The following SLC67A2 variants were observed in gnomAD, a reference collection of about 807,000 sequenced individuals.
The protein encoded by SLC67A2 is solute carrier family 67 member A2.
the SLC67A2 span, among the ~76,000 whole-genome samples, chr2:102,722,151 G>A: frequency 6.6e-6 from 1 of 152,250 alleles, no homozygotes; most frequent in Non-Finnish European, 1.5e-5. Context: ...ATGCTATGAA[G>A]AAAATTAAGC....
chr2:102,727,512 T>C, the SLC67A2 span, among the ~76,000 whole-genome samples: 1 of 152,232 alleles, frequency 6.6e-6, no homozygotes, highest in Non-Finnish European at 1.5e-5. Context: ...TTGTTACCAT[T>C]TTAATCACAT....
At chr2:102,736,848 C>T in the SLC67A2 span, 1 of 1,561,276 alleles carries the variant, frequency 6.4e-7, no homozygotes. Flanking sequence ...GCAGCAGCCG[C>T]GGACCTACCC....
the SLC67A2 span, chr2:102,731,067 G>C: frequency 6.2e-7 from 1 of 1,613,344 alleles, no homozygotes; most frequent in Non-Finnish European, 8.5e-7. Flanking sequence ...CATAGGAGGA[G>C]CCTGTAAAAA....
the SLC67A2 span, among the ~76,000 whole-genome samples, chr2:102,722,381 C>T: frequency 6.6e-6 from 1 of 152,228 alleles, no homozygotes; most frequent in Admixed American, 6.5e-5. Flanking sequence ...GGGGCAGGGT[C>T]TGCCCATCAC....
the SLC67A2 span, chr2:102,718,322 C>T: frequency 6.2e-6 from 9 of 1,440,628 alleles, no homozygotes; most frequent in African/African-American, 1.1e-4. Flanking sequence ...AAATATTTCC[C>T]TTCCACCCCA....
At chr2:102,715,369 G>T in the SLC67A2 span, among the ~76,000 whole-genome samples, 1 of 152,062 alleles carries the variant, frequency 6.6e-6, no homozygotes, top group African/African-American at 2.4e-5. Context: ...TCAGAGTCTG[G>T]TTCCTGTGGT....
chr2:102,720,763 T>C, the SLC67A2 span, among the ~76,000 whole-genome samples: 2 of 152,256 alleles, frequency 1.3e-5, no homozygotes, highest in East Asian at 1.9e-4. Flanking sequence ...CCTAACCATA[T>C]GAACAGAAAT....
the SLC67A2 span, among the ~76,000 whole-genome samples, chr2:102,728,257 C>T: frequency 3.9e-3 from 599 of 152,322 alleles, 9 homozygotes; most frequent in African/African-American, 0.014. Context: ...CCCCCAGTTC[C>T]AGTACAATGG....
At chr2:102,723,855 G>A in the SLC67A2 span, 1 of 1,614,154 alleles carries the variant, frequency 6.2e-7, no homozygotes, top group South Asian at 1.1e-5. Flanking sequence ...TTCCTTCTCT[G>A]GAACCACATC....
At chr2:102,722,533 T>A in the SLC67A2 span, among the ~76,000 whole-genome samples, 3 of 152,168 alleles carry the variant, frequency 2.0e-5, no homozygotes, top group Admixed American at 2.0e-4. Context: ...ATAAAATATT[T>A]CCCTTTTAAA....
At chr2:102,735,987 C>T in the SLC67A2 span, among the ~76,000 whole-genome samples, 1,626 of 152,072 alleles carry the variant, frequency 0.011, 35 homozygotes, top group African/African-American at 0.037. Context: ...AGTGAAAATG[C>T]ACCCAATTCT....
At chr2:102,736,107 T>A in the SLC67A2 span, among the ~76,000 whole-genome samples, 2 of 152,174 alleles carry the variant, frequency 1.3e-5, no homozygotes, top group Admixed American at 6.5e-5. Context: ...AATGCGCAGT[T>A]TGTCGAAAGG....
chr2:102,725,752 GTA>G, the SLC67A2 span, among the ~76,000 whole-genome samples: 1 of 152,136 alleles, frequency 6.6e-6, no homozygotes, highest in Non-Finnish European at 1.5e-5. Flanking sequence ...AATGAAAAAA[GTA>G]TATATTCCAC....
the SLC67A2 span, among the ~76,000 whole-genome samples, chr2:102,723,009 T>C: frequency 6.6e-6 from 1 of 152,154 alleles, no homozygotes; most frequent in Non-Finnish European, 1.5e-5. Context: ...AAAATCTGAA[T>C]AGACATTTCT....
chr2:102,714,759 T>C, the SLC67A2 span, among the ~76,000 whole-genome samples: 1 of 152,218 alleles, frequency 6.6e-6, no homozygotes, highest in South Asian at 2.1e-4. Flanking sequence ...CTACACATCA[T>C]CCTGGCTAAA....
At chr2:102,715,416 C>T in the SLC67A2 span, among the ~76,000 whole-genome samples, 1 of 152,092 alleles carries the variant, frequency 6.6e-6, no homozygotes, top group Non-Finnish European at 1.5e-5. Flanking sequence ...TCAGTGATTC[C>T]AGCTCCTTCT....
At chr2:102,736,549 C>T in the SLC67A2 span, 35 of 1,608,702 alleles carry the variant, frequency 2.2e-5, no homozygotes, top group Non-Finnish European at 3.0e-5. Flanking sequence ...TGCGGGTTCC[C>T]ACTCCCTGGG....
the SLC67A2 span, chr2:102,718,358 C>T: frequency 6.3e-7 from 1 of 1,578,734 alleles, no homozygotes; most frequent in South Asian, 1.2e-5. Context: ...CCCTTTTCAT[C>T]ATGGCCTCCG....
At chr2:102,720,190 T>C in the SLC67A2 span, among the ~76,000 whole-genome samples, 1 of 152,194 alleles carries the variant, frequency 6.6e-6, no homozygotes, top group Non-Finnish European at 1.5e-5. Context: ...TGCTTCATGT[T>C]GTTTTCAGCA....
Sources: allele counts gnomAD v4.1 joint callset (sites outside exome capture counted in the v4.1 genomes callset), GRCh38; gene constraint gnomAD v4.1.1; transcripts MANE v1.5; gene names NCBI Gene and HGNC (gene_info 2026-07-23, HGNC 2026-07-21).